TPMT: variants seen among roughly 807,000 people sequenced by gnomAD.
TPMT encodes the protein thiopurine S-methyltransferase.
A neutral mutation model predicts 34.2 loss-of-function variants in TPMT; 18 were observed. The observed-to-expected ratio is 0.53, with a 90% confidence interval of 0.36 to 0.78. The LOEUF (loss-of-function observed/expected upper bound fraction) is 0.78, where lower values mean the gene tolerates loss of function less well. TPMT is among the 30% of genes least tolerant of loss of function. The probability of loss-of-function intolerance (pLI) is 0.00; values close to 1 mark genes in which losing one functional copy is unlikely to be tolerated. For synonymous variants in TPMT, 69 were observed against 92.4 expected (o/e 0.75, Z 1.45); for missense variants, 265 against 288.1 (o/e 0.92, Z 0.58).
rs915131742 is a variant in TPMT, at chr6:18,139,776, TC to T, written c.367-60del. ...TTTTACTTAGTAAGTACTTGAATAG[TC>T]AAGGAAAGAGGGCCAAGCAAAGCAA... is the stretch of plus-strand genomic sequence containing the variant. On this transcript the variant is annotated intron_variant, in intron 4 of 8. Coordinates refer to ENST00000309983, the MANE Select transcript of TPMT (RefSeq NM_000367.5). The surrounding 1 kb of genome is among the most constrained non-coding windows in gnomAD (Gnocchi z 4.2). The T allele has an allele frequency of 2.5e-6, 3 of 1,215,996 alleles. No individual in the cohort carries two copies. The African/African-American group carries it at 4.6e-5, about 19-fold the overall frequency. 75.3% of individuals were successfully genotyped at this position (1,215,996 alleles called of 1,614,324 possible).
rs967649985 is a variant in TPMT, at chr6:18,135,591, G to A, written c.495-1702C>T. On this transcript the variant is annotated intron_variant, in intron 6 of 8. Coordinates refer to ENST00000309983, the MANE Select transcript of TPMT (RefSeq NM_000367.5). This position sits in a 1 kb window ranked among gnomAD's most constrained non-coding sequence, Gnocchi z 5.0. ...CACATATATAAAATACTAACATAAG[G>A]CTGGGCACGGTGACTTACATCTGTA... is the stretch of plus-strand genomic sequence containing the variant. 6.6e-6 allele frequency among the ~76,000 whole-genome samples: 1 copy of A among 152,128 alleles called. No homozygotes were observed. The highest frequency in any genetic ancestry group is 6.5e-5 in the Admixed American group (1 of 15,274).
At position 18,154,995 on chromosome 6, in the gene TPMT, C is replaced by G. The variant is rs1784459984; in HGVS notation, c.-45+38G>C. ...GCATACACTCCTAGCAAATCGTTCC[C>G]TTTCTCACCCGCACCCTCCGCGCCC... On this transcript the variant is annotated intron_variant, in intron 1 of 8. Transcript: ENST00000309983. The surrounding 1 kb of genome is among the most constrained non-coding windows in gnomAD (Gnocchi z 4.2). 1 of 152,524 alleles carries G rather than the reference C, an allele frequency of 6.6e-6. No individual in the cohort carries two copies. Among genetic ancestry groups the G allele is most frequent in the African/African-American group, 2.4e-5 (1 of 41,544 alleles). The allele number at this position is 152,524 out of a possible 1,614,324, so 9.4% of individuals were successfully genotyped here. A position where few individuals can be genotyped will look rare whatever the true frequency, so the allele number is the denominator to read the frequency against.
chr6:18,147,777 T>A, intron 3 of TPMT, 46 bp downstream of exon 3: 3 of 1,546,206 alleles, frequency 1.9e-6, no homozygotes, highest in Non-Finnish European at 2.7e-6. Context: ...CCCAAAGAAT[T>A]CATCATTAAG....
chr6:18,143,794 G>C lies in TPMT; in HGVS notation c.234-66C>G. The C allele has an allele frequency of 6.3e-7, 1 of 1,578,208 alleles. No individual in the cohort carries two copies. The highest frequency in any genetic ancestry group is 8.7e-7 in the Non-Finnish European group (1 of 1,155,850). ...AATGACTAAATAGAGGGTTATATTA[G>C]AGTAAGCATATATTTTCTTTAATTT... is the stretch of plus-strand genomic sequence containing the variant. On this transcript the variant is annotated intron_variant, in intron 3 of 8. Transcript: ENST00000309983. The surrounding 1 kb of genome is among the most constrained non-coding windows in gnomAD (Gnocchi z 6.1).
Position 18,139,245 on chromosome 6 carries a change from C to T in TPMT, c.420-208G>A, listed in dbSNP as rs1202223780. Among the ~76,000 whole-genome samples, 1 of 152,164 alleles carries T rather than the reference C, an allele frequency of 6.6e-6. No individual in the cohort carries two copies. Among genetic ancestry groups the T allele is most frequent in the Non-Finnish European group, 1.5e-5 (1 of 68,024 alleles). On this transcript the variant is annotated intron_variant, in intron 5 of 8. Transcript: ENST00000309983. This position sits in a 1 kb window ranked among gnomAD's most constrained non-coding sequence, Gnocchi z 4.2. The stretch of plus-strand genomic sequence containing the variant: ...TTTAGGAGCCTGTGGCAGCAGCCTC[C>T]CCACTCTGTTATGATTTGGGGACAT...
In TPMT at chr6:18,132,398, C is replaced by G. The variant is rs1032263068; in HGVS notation, c.581-221G>C. 1.3e-5 allele frequency among the ~76,000 whole-genome samples: 2 copies of G among 152,190 alleles called. No homozygotes were observed. Among genetic ancestry groups the G allele is most frequent in the African/African-American group, 4.8e-5 (2 of 41,452 alleles). On this transcript the variant is annotated intron_variant, in intron 7 of 8. Coordinates refer to ENST00000309983, the MANE Select transcript of TPMT (RefSeq NM_000367.5). This position sits in a 1 kb window ranked among gnomAD's most constrained non-coding sequence, Gnocchi z 4.8. ...GCTTAGATGAGACAGCTAAACCGGT[C>G]AAGGGACTTAGGCTCATTGAAATCA...
rs1429991251 is a variant in TPMT at position 18,143,490 on chromosome 6, C to T, written c.366+106G>A. 4 of 1,465,240 alleles carry T rather than the reference C, an allele frequency of 2.7e-6. No homozygotes were observed. Among genetic ancestry groups the T allele is most frequent in the Non-Finnish European group, 3.8e-6 (4 of 1,054,664 alleles). The allele number at this position is 1,465,240 out of a possible 1,614,324, so 90.8% of individuals were successfully genotyped here. A position where few individuals can be genotyped will look rare whatever the true frequency, so the allele number is the denominator to read the frequency against. On this transcript the variant is annotated intron_variant, in intron 4 of 8. Coordinates refer to ENST00000309983, the MANE Select transcript of TPMT (RefSeq NM_000367.5). This position sits in a 1 kb window ranked among gnomAD's most constrained non-coding sequence, Gnocchi z 6.1. ...ATAGTATCTACAGTGAATCTGCGTG[C>T]TAAATAGGAACCATCGGACACATGA...
intron 4 of TPMT, among the ~76,000 whole-genome samples, chr6:18,142,108 A>C (rs547890342): frequency 1.3e-5 from 2 of 152,212 alleles, no homozygotes; most frequent in African/African-American, 2.4e-5. Flanking sequence ...CTCAGGCTGC[A>C]CTATAAAATC....
In TPMT at chr6:18,145,828, A is replaced by G. The variant is rs1561891116; in HGVS notation, c.233+1995T>C. Among the ~76,000 whole-genome samples the G allele has an allele frequency of 6.6e-6, 1 of 152,292 alleles. No individual in the cohort carries two copies. Among genetic ancestry groups the G allele is most frequent in the East Asian group, 1.9e-4 (1 of 5,166 alleles). ...TAGCCTACTACAACCTGTAATAAAA[A>G]CAAAATAAGACCAAGTGTGGTGGCT... On this transcript the variant is annotated intron_variant, in intron 3 of 8. Coordinates refer to ENST00000309983, the MANE Select transcript of TPMT (RefSeq NM_000367.5). This position sits in a 1 kb window ranked among gnomAD's most constrained non-coding sequence, Gnocchi z 5.6.
chr6:18,138,000 G>A (rs886065587), intron 6 of TPMT, among the ~76,000 whole-genome samples: 11 of 151,966 alleles, frequency 7.2e-5, no homozygotes, highest in Non-Finnish European at 1.5e-4. Flanking sequence ...GGCTGGTCTC[G>A]AACTCCTGAC....
In TPMT at chr6:18,130,657, CTA is replaced by C; in HGVS notation, c.*9_*10del. Reference sequence around the variant, plus strand: ...ACATGTCAGTGTGATTTTATTTTATCTATGTCTCATTTACTTTTCTGTAAGTA... The same window carrying C: ...ACATGTCAGTGTGATTTTATTTTATCTGTCTCATTTACTTTTCTGTAAGTA... On this transcript the variant is annotated 3_prime_UTR_variant, in exon 9 of 9. Coordinates refer to ENST00000309983, the MANE Select transcript of TPMT (RefSeq NM_000367.5). This position sits in a 1 kb window ranked among gnomAD's most constrained non-coding sequence, Gnocchi z 4.2. The C allele has an allele frequency of 6.6e-7, 1 of 1,515,692 alleles. No homozygotes were observed. Among genetic ancestry groups the C allele is most frequent in the South Asian group, 1.1e-5 (1 of 88,880 alleles). 93.9% of individuals were successfully genotyped at this position (1,515,692 alleles called of 1,614,324 possible).
At position 18,140,540 on chromosome 6, in the gene TPMT, T is replaced by C. The variant is rs1784120086; in HGVS notation, c.367-823A>G. On this transcript the variant is annotated intron_variant, in intron 4 of 8. Coordinates refer to ENST00000309983, the MANE Select transcript of TPMT (RefSeq NM_000367.5). This position sits in a 1 kb window ranked among gnomAD's most constrained non-coding sequence, Gnocchi z 4.7. ...CTCCAACTCTACAGAAAAAATTAGA[T>C]GGGTGTGGTGGCACACACCTGTAGT... Among the ~76,000 whole-genome samples the C allele has an allele frequency of 6.6e-6, 1 of 151,986 alleles. No homozygotes were observed. The highest frequency in any genetic ancestry group is 6.6e-5 in the Admixed American group (1 of 15,242).
intron 1 of TPMT, among the ~76,000 whole-genome samples, chr6:18,152,521 T>C (rs1582050780): frequency 6.6e-6 from 1 of 152,034 alleles, no homozygotes; most frequent in East Asian, 1.9e-4. Flanking sequence ...ACATGTACAA[T>C]GTAAACTAAC....
rs1784294136 is a variant in TPMT, at chr6:18,148,675, G to T, written c.140+313C>A. 6.6e-6 allele frequency among the ~76,000 whole-genome samples: 1 copy of T among 152,196 alleles called. No homozygotes were observed. The highest frequency in any genetic ancestry group is 1.5e-5 in the Non-Finnish European group (1 of 68,036). On this transcript the variant is annotated intron_variant, in intron 2 of 8. Transcript: ENST00000309983. The surrounding 1 kb of genome is among the most constrained non-coding windows in gnomAD (Gnocchi z 4.1). ...ATGAAGAATTGTAAGCATAAACATT[G>T]CTTGAGCACCTGTTGTAGGTATAAA...
chr6:18,133,955 G>A (rs1286113988), intron 6 of TPMT, 66 bp from the exon 7 acceptor site: 2 of 1,339,140 alleles, frequency 1.5e-6, no homozygotes, highest in African/African-American at 1.4e-5. Flanking sequence ...AGGGACAAAA[G>A]GCAGGGAAGG....
In TPMT at chr6:18,143,670, C is replaced by G; in HGVS notation, c.292G>C (p.Glu98Gln). The change falls in exon 4 of 9, where the codon GAA becomes CAA. Residue 98 changes from glutamate to glutamine, a missense_variant. Physicochemically the swap from Glu to Gln is conservative, Grantham distance 29. Coordinates refer to ENST00000309983, the MANE Select transcript of TPMT (RefSeq NM_000367.5). The surrounding 1 kb of genome is among the most constrained non-coding windows in gnomAD (Gnocchi z 6.1). ...GVEISELGIQEFFTEQNLSYS... is the reference protein window; with the variant it reads ...GVEISELGIQQFFTEQNLSYS... ...GAAAGATTCTGCTCTGTAAAAAATT[C>G]TTGTATCCCAAGTTCACTGATTTCC... The G allele has an allele frequency of 6.2e-7, 1 of 1,614,042 alleles. No individual in the cohort carries two copies. The highest frequency in any genetic ancestry group is 8.5e-7 in the Non-Finnish European group (1 of 1,180,012).
rs187533375 is a variant in TPMT at position 18,150,091 on chromosome 6, A to C, written c.-44-920T>G. Among the ~76,000 whole-genome samples the C allele has an allele frequency of 2.7e-3, 411 of 152,318 alleles. 1 individual carries two copies. Among genetic ancestry groups the C allele is most frequent in the Non-Finnish European group, 4.5e-3 (307 of 68,022 alleles). On this transcript the variant is annotated intron_variant, in intron 1 of 8. Coordinates refer to ENST00000309983, the MANE Select transcript of TPMT (RefSeq NM_000367.5). This position sits in a 1 kb window ranked among gnomAD's most constrained non-coding sequence, Gnocchi z 5.3. ...AGATTTCCCTCCTCACTTAGACACC[A>C]GTTGCAAGTCCAGGCCTCCACTGGC...
chr6:18,131,513 C>T lies in TPMT; in HGVS notation c.625+620G>A, dbSNP rs1005040456. 1.3e-5 allele frequency among the ~76,000 whole-genome samples: 2 copies of T among 151,676 alleles called. No individual in the cohort carries two copies. The highest frequency in any genetic ancestry group is 2.0e-4 in the East Asian group (1 of 5,110). On this transcript the variant is annotated intron_variant, in intron 8 of 8. Coordinates refer to ENST00000309983, the MANE Select transcript of TPMT (RefSeq NM_000367.5). This position sits in a 1 kb window ranked among gnomAD's most constrained non-coding sequence, Gnocchi z 4.3. ...GAGGATCACTTGTGCCCAGGGAGGTCGAGGCTGCAGTGAGCTGTGATTGCA... is the reference window on the plus strand; with the variant it reads ...GAGGATCACTTGTGCCCAGGGAGGTTGAGGCTGCAGTGAGCTGTGATTGCA...
chr6:18,152,713 G>C (rs1463420211), intron 1 of TPMT, among the ~76,000 whole-genome samples: 1 of 151,810 alleles, frequency 6.6e-6, no homozygotes, highest in Non-Finnish European at 1.5e-5. Flanking sequence ...TGAAAACTGA[G>C]TTCTGGGCCA....
Sources: gnomAD v4.1 joint callset for allele counts (sites outside exome capture counted in the v4.1 genomes callset) on GRCh38, gnomAD v4.1.1 for gene constraint, Gnocchi (gnomAD v3.1) non-coding constraint, MANE v1.5 for transcripts, NCBI Gene and HGNC (gene_info 2026-07-23, HGNC 2026-07-21) for gene names.